Variants in IBTK observed in about 807,000 individuals in gnomAD.
IBTK encodes BTK-binding protein.
A neutral mutation model predicts 154.9 loss-of-function variants in IBTK; 83 were observed. That is an observed-to-expected ratio of 0.54 (90% CI 0.45 to 0.64). The LOEUF (loss-of-function observed/expected upper bound fraction) is 0.64, where lower values mean the gene tolerates loss of function less well. IBTK is among the 30% of genes least tolerant of loss of function. The pLI is 0.00. For missense variants in IBTK, 1,332 were observed against 1,584.6 expected (o/e 0.84, Z 2.71); for synonymous variants, 515 against 536.1 (o/e 0.96, Z 0.54).
intron 4 of IBTK, among the ~76,000 whole-genome samples, chr6:82,228,096 G>A (rs1770363772): frequency 6.6e-6 from 1 of 151,826 alleles, no homozygotes; most frequent in Non-Finnish European, 1.5e-5. Flanking sequence ...TATTTTCCAA[G>A]CTCTGATATT....
At chr6:82,210,260 C>T (rs1210701923) in intron 16 of IBTK, 1 of 151,286 alleles carries the variant, frequency 6.6e-6, no homozygotes, top group Admixed American at 6.6e-5. Flanking sequence ...TCAATTCATT[C>T]ATCTCCATCA....
chr6:82,176,289 T>G (rs1416991197), intron 26 of IBTK, among the ~76,000 whole-genome samples: 1 of 151,672 alleles, frequency 6.6e-6, no homozygotes, highest in Non-Finnish European at 1.5e-5. Flanking sequence ...TTTGGGAGGC[T>G]GTGGGCAGAT....
intron 1 of IBTK, among the ~76,000 whole-genome samples, chr6:82,242,146 G>C (rs1215423777): frequency 6.6e-6 from 1 of 152,148 alleles, no homozygotes; most frequent in Non-Finnish European, 1.5e-5. Context: ...GAGGCGGGCA[G>C]ATCACCTGAG....
At chr6:82,195,791 C>A (rs898073770) in intron 22 of IBTK, among the ~76,000 whole-genome samples, 11 of 152,100 alleles carry the variant, frequency 7.2e-5, no homozygotes, top group Non-Finnish European at 1.6e-4. Flanking sequence ...CTAAGAAATG[C>A]CCTCCCCAGA....
intron 3 of IBTK, 134 bp from the exon 4 acceptor site, chr6:82,231,976 G>A: frequency 3.9e-6 from 2 of 508,618 alleles, no homozygotes; most frequent in South Asian, 3.8e-5. Context: ...GGTAATTCTA[G>A]AAATAGAAAA....
At chr6:82,241,722 A>G (rs1770959494) in intron 1 of IBTK, among the ~76,000 whole-genome samples, 1 of 152,244 alleles carries the variant, frequency 6.6e-6, no homozygotes, top group Admixed American at 6.5e-5. Context: ...AAATTACATT[A>G]AAAAGTTTAA....
At chr6:82,211,825 T>A (rs1208247630) in intron 13 of IBTK, among the ~76,000 whole-genome samples, 3 of 152,194 alleles carry the variant, frequency 2.0e-5, no homozygotes, top group Non-Finnish European at 4.4e-5. Flanking sequence ...TCCTTTTTTT[T>A]ATTCCAGAAA....
intron 26 of IBTK, among the ~76,000 whole-genome samples, chr6:82,178,266 A>G (rs1472811695): frequency 6.6e-6 from 1 of 152,224 alleles, no homozygotes; most frequent in African/African-American, 2.4e-5. Context: ...CACACTTATA[A>G]TTAAGAGCCC....
At chr6:82,184,993 G>A (rs983001825) in intron 25 of IBTK, among the ~76,000 whole-genome samples, 1 of 151,706 alleles carries the variant, frequency 6.6e-6, no homozygotes, top group Non-Finnish European at 1.5e-5. Flanking sequence ...AACCAGCCTG[G>A]CCAACATGAT....
chr6:82,199,982 T>C (rs953216495), intron 21 of IBTK, among the ~76,000 whole-genome samples, 159 bp downstream of exon 21: 6 of 152,158 alleles, frequency 3.9e-5, no homozygotes, highest in Non-Finnish European at 8.8e-5. Flanking sequence ...AGTACCTCTT[T>C]TGTGCTCCCA....
intron 2 of IBTK, among the ~76,000 whole-genome samples, chr6:82,238,241 C>T (rs1352769673): frequency 2.7e-5 from 4 of 148,818 alleles, no homozygotes; most frequent in East Asian, 3.9e-4. Context: ...AAGACTCCGT[C>T]GCAAAAAAAA....
At chr6:82,222,512 T>C (rs553555359) in intron 8 of IBTK, among the ~76,000 whole-genome samples, 1 of 152,270 alleles carries the variant, frequency 6.6e-6, no homozygotes, top group East Asian at 1.9e-4. Context: ...AACATATTAG[T>C]CTGAAACCTG....
At chr6:82,208,442 G>A (rs1769496303) in intron 16 of IBTK, among the ~76,000 whole-genome samples, 1 of 152,024 alleles carries the variant, frequency 6.6e-6, no homozygotes, top group South Asian at 2.1e-4. Context: ...AAAAACACAA[G>A]TAACAAGTCA....
In IBTK at chr6:82,241,123, T is replaced by G. The variant is rs76566187; in HGVS notation, c.-357-280A>C. ...ATCGACCTTTCATATTTATGGTACC[T>G]ATATTTTTATCAGTCATCCTTACTC... On this transcript the variant is annotated intron_variant, in intron 1 of 28. Transcript: ENST00000306270. Among the ~76,000 whole-genome samples the G allele has an allele frequency of 4.9e-3, 750 of 152,312 alleles. 20 individuals are homozygous for G. The East Asian group carries it at 0.098, about 20-fold the overall frequency.
chr6:82,181,880 T>A lies in IBTK; in HGVS notation c.3724A>T (p.Arg1242Ter). Residue 1242 changes from arginine (R) to a stop codon, truncating the protein, a stop_gained and splice_region_variant, in exon 26 of 29, where the codon AGA (arginine) becomes TGA (stop). Coordinates refer to ENST00000306270, the MANE Select transcript of IBTK (RefSeq NM_015525.4). LOFTEE classifies it high-confidence loss of function. ...IENSQAPKIV[R>*]CSTHGTPGPE... ...TTAGTTTTAAGTTTGTTTTATTACC[T>A]GACAATTTTTGGTGCCTGAGAATTT... is the stretch of plus-strand genomic sequence containing the variant. The A allele has an allele frequency of 6.4e-7, 1 of 1,570,926 alleles. No individual in the cohort carries two copies. The highest frequency in any genetic ancestry group is 8.6e-7 in the Non-Finnish European group (1 of 1,164,384).
chr6:82,178,799 T>C (rs1422094675), intron 26 of IBTK, among the ~76,000 whole-genome samples: 1 of 152,156 alleles, frequency 6.6e-6, no homozygotes, highest in Non-Finnish European at 1.5e-5. Flanking sequence ...TGAATAGATA[T>C]TGAAAGAAGA....
intron 21 of IBTK, among the ~76,000 whole-genome samples, chr6:82,196,707 A>T (rs1292833669): frequency 1.3e-5 from 2 of 152,206 alleles, no homozygotes; most frequent in East Asian, 3.9e-4. Flanking sequence ...AACCTGAGGA[A>T]GATAGTTCTT....
chr6:82,184,900 G>A (rs1320953485), intron 25 of IBTK, among the ~76,000 whole-genome samples: 1 of 151,884 alleles, frequency 6.6e-6, no homozygotes, highest in African/African-American at 2.4e-5. Context: ...CAGTTACATC[G>A]GCTGGGCGTG....
intron 4 of IBTK, 97 bp downstream of exon 4, chr6:82,231,621 T>C (rs1770505429): frequency 1.1e-6 from 1 of 879,952 alleles, no homozygotes; most frequent in Non-Finnish European, 1.7e-6. Flanking sequence ...TTACTGTACC[T>C]GAAACAAAGT....
Sources: allele counts gnomAD v4.1 joint callset (sites outside exome capture counted in the v4.1 genomes callset), GRCh38; gene constraint gnomAD v4.1.1; transcripts MANE v1.5; gene names NCBI Gene and HGNC (gene_info 2026-07-23, HGNC 2026-07-21).